SYCP3: variants seen among roughly 807,000 people sequenced by gnomAD.
SYCP3 encodes the protein synaptonemal complex protein 3.
Under a neutral mutation model 38.5 loss-of-function variants are expected in SYCP3, and 29 were observed. The observed-to-expected ratio is 0.75, with a 90% CI of 0.56 to 1.03. SYCP3 has a LOEUF of 1.03. Among genes scored for constraint, SYCP3 ranks in the 50% least tolerant of loss-of-function variants. The probability of loss-of-function intolerance (pLI) is 0.00; values close to 1 mark genes in which losing one functional copy is unlikely to be tolerated. For missense variants in SYCP3, 242 were observed against 270.7 expected, an observed-to-expected ratio of 0.89 and a Z score of 0.74; for synonymous variants, 79 against 80.3, an observed-to-expected ratio of 0.98 and a Z score of 0.08.
intron 2 of SYCP3, chr12:101,737,542 A>T: frequency 1.6e-6 from 1 of 643,586 alleles, no homozygotes; most frequent in Non-Finnish European, 2.7e-6. Flanking sequence ...GCCACATACT[A>T]TATATCAGAT....
At chr12:101,730,399 C>T in intron 7 of SYCP3, 1 of 382,256 alleles carries the variant, frequency 2.6e-6, no homozygotes, top group South Asian at 2.0e-5. Flanking sequence ...ATCAAAACTT[C>T]ACACCAACTA....
At chr12:101,730,576 C>T (rs182774557) in intron 7 of SYCP3, 9 of 366,264 alleles carry the variant, frequency 2.5e-5, no homozygotes, top group African/African-American at 2.0e-4. Flanking sequence ...TCACTGCAAC[C>T]TTTGCCTCCA....
At chr12:101,738,013 A>T in intron 1 of SYCP3, 61 bp from the exon 2 acceptor site, 2 of 1,573,502 alleles carry the variant, frequency 1.3e-6, no homozygotes, top group East Asian at 4.5e-5. Context: ...ATACACTGGT[A>T]AAAGTTTAAA....
At chr12:101,737,633 A>G in intron 2 of SYCP3, 170 bp downstream of exon 2, 1 of 878,224 alleles carries the variant, frequency 1.1e-6, no homozygotes, top group Admixed American at 2.2e-5. Context: ...ATCAAATGAG[A>G]AACACAAGTA....
chr12:101,731,476 T>C, intron 7 of SYCP3, 92 bp downstream of exon 7: 3 of 821,632 alleles, frequency 3.7e-6, no homozygotes. Flanking sequence ...GTCTAAAATG[T>C]TTTTTCCCAT....
At chr12:101,731,533 T>C in intron 7 of SYCP3, 35 bp downstream of exon 7, 4 of 1,376,848 alleles carry the variant, frequency 2.9e-6, no homozygotes, top group Non-Finnish European at 4.0e-6. Context: ...TATTATGTTT[T>C]ATAACGATGT....
chr12:101,736,143 A>T (rs906637378), intron 4 of SYCP3, among the ~76,000 whole-genome samples: 4 of 152,004 alleles, frequency 2.6e-5, no homozygotes, highest in Non-Finnish European at 1.5e-5. Flanking sequence ...GATCAGTTTT[A>T]AATGCTTTTG....
Position 101,733,550 on chromosome 12 carries a change from T to G in SYCP3, c.453+25A>C, listed in dbSNP as rs766038079. ...CCATTCCTACTTGAGACTTGGTTGA[T>G]TATAAACCTAATCATGATACCAACA... On this transcript the variant is annotated intron_variant, in intron 6 of 8. Coordinates refer to ENST00000392924, the MANE Select transcript of SYCP3 (RefSeq NM_001177949.2). The G allele has an allele frequency of 3.8e-6, 6 of 1,597,456 alleles. No homozygotes were observed. In the Admixed American group the frequency reaches 1.0e-4, roughly 27 times the overall value.
intron 6 of SYCP3, chr12:101,732,720 G>A (rs1952240843): frequency 6.7e-6 from 1 of 148,300 alleles, no homozygotes; most frequent in Non-Finnish European, 1.5e-5. Flanking sequence ...AGGCTGGAGT[G>A]CAGTGGCACA....
chr12:101,737,755 A>G, intron 2 of SYCP3, 48 bp downstream of exon 2: 2 of 1,613,144 alleles, frequency 1.2e-6, no homozygotes, highest in Middle Eastern at 1.7e-4. Context: ...ATGGGTTCAA[A>G]ACAAATGAAC....
intron 5 of SYCP3, 90 bp downstream of exon 5, chr12:101,734,837 C>T (rs898912712): frequency 4.1e-5 from 38 of 920,100 alleles, no homozygotes; most frequent in Non-Finnish European, 6.0e-5. Context: ...CATGAGCCAC[C>T]GTGCCGATCC....
In SYCP3 at chr12:101,728,910, CT is replaced by C. The variant is rs774569133; in HGVS notation, c.*16del. 13 of 1,613,418 alleles carry C rather than the reference CT, an allele frequency of 8.1e-6. No homozygotes were observed. Among genetic ancestry groups the C allele is most frequent in the Non-Finnish European group, 1.0e-5 (12 of 1,179,642 alleles). ...GTATCATATTACTTAGGTTCAAGTTCTTTCTTCAAAGAGTCATCAGAATAAC... is the reference window on the plus strand; with the variant it reads ...GTATCATATTACTTAGGTTCAAGTTCTTCTTCAAAGAGTCATCAGAATAAC... On this transcript the variant is annotated 3_prime_UTR_variant, in exon 9 of 9. Coordinates refer to ENST00000392924, the MANE Select transcript of SYCP3 (RefSeq NM_001177949.2).
In SYCP3 at chr12:101,731,677, A is replaced by G; in HGVS notation, c.454-11T>C. ...CTGTCGAAACATATTCTACAAATAT[A>G]AAAGAAAAAAAACTGTGTAATAACA... On this transcript the variant is annotated splice_polypyrimidine_tract_variant and intron_variant, in intron 6 of 8. Transcript: ENST00000392924. 2.7e-6 allele frequency: 4 copies of G among 1,505,870 alleles called. No individual in the cohort carries two copies. Among genetic ancestry groups the G allele is most frequent in the Non-Finnish European group, 3.5e-6 (4 of 1,151,086 alleles). 93.3% of individuals were successfully genotyped at this position (1,505,870 alleles called of 1,614,324 possible). A position where few individuals can be genotyped will look rare whatever the true frequency, so the allele number is the denominator to read the frequency against.
intron 7 of SYCP3, 163 bp from the exon 8 acceptor site, chr12:101,729,376 T>C (rs1952083141): frequency 1.4e-6 from 1 of 691,788 alleles, no homozygotes; most frequent in Non-Finnish European, 2.4e-6. Flanking sequence ...AAATACCTAC[T>C]AAAAAAGAAA....
At chr12:101,739,266 G>A in intron 1 of SYCP3, 85 bp downstream of exon 1, 8 of 1,000,136 alleles carry the variant, frequency 8.0e-6, no homozygotes, top group Non-Finnish European at 9.6e-6. Flanking sequence ...CCCAGGCGAC[G>A]CCAGGAGGTA....
rs1952620661 is a variant in SYCP3, at chr12:101,739,379, A to C, written c.-46T>G. 2.0e-6 allele frequency: 2 copies of C among 1,002,684 alleles called. No homozygotes were observed. Among genetic ancestry groups the C allele is most frequent in the Non-Finnish European group, 2.4e-6 (2 of 830,344 alleles). The allele number at this position is 1,002,684 out of a possible 1,614,324, so 62.1% of individuals were successfully genotyped here. Reference sequence around the variant, plus strand: ...AAACACACCGCAATGGCCGAGGACCAGTTACTGGTCGTCGACAGGCGTCCT... The same window carrying C: ...AAACACACCGCAATGGCCGAGGACCCGTTACTGGTCGTCGACAGGCGTCCT... On this transcript the variant is annotated 5_prime_UTR_variant, in exon 1 of 9. Coordinates refer to ENST00000392924, the MANE Select transcript of SYCP3 (RefSeq NM_001177949.2).
chr12:101,738,660 C>A (rs921566785), intron 1 of SYCP3, among the ~76,000 whole-genome samples: 2 of 152,060 alleles, frequency 1.3e-5, no homozygotes, highest in African/African-American at 4.8e-5. Flanking sequence ...CGCTTCAACC[C>A]GGGAGGCGGA....
intron 5 of SYCP3, among the ~76,000 whole-genome samples, chr12:101,734,303 A>C (rs1952310423): frequency 6.6e-6 from 1 of 152,156 alleles, no homozygotes; most frequent in Admixed American, 6.5e-5. Flanking sequence ...GTTCATGCCT[A>C]TAATCCCAGC....
chr12:101,735,871 A>ATATATATATATATATATTTT lies in SYCP3; in HGVS notation c.236-828_236-827insAAAATATATATATATATATA. Among the ~76,000 whole-genome samples the ATATATATATATATATATTTT allele has an allele frequency of 5.8e-4, 43 of 74,722 alleles. 1 individual carries two copies. Among genetic ancestry groups the ATATATATATATATATATTTT allele is most frequent in the African/African-American group, 2.7e-3 (43 of 15,908 alleles). 49.0% of individuals were successfully genotyped at this position (74,722 alleles called of 152,430 possible). A position where few individuals can be genotyped will look rare whatever the true frequency, so the allele number is the denominator to read the frequency against. ...CAATTTTATATATATATATATATAT[A>ATATATATATATATATATTTT]TTTTTTTTTTTTTAAAGACACGGGG... On this transcript the variant is annotated intron_variant, in intron 4 of 8. Transcript: ENST00000392924.
Sources: gnomAD v4.1 joint callset for allele counts (sites outside exome capture counted in the v4.1 genomes callset) on GRCh38, gnomAD v4.1.1 for gene constraint, MANE v1.5 for transcripts, NCBI Gene and HGNC (gene_info 2026-07-23, HGNC 2026-07-21) for gene names.